PPP2R5C: variants seen among roughly 807,000 people sequenced by gnomAD.
PPP2R5C encodes the protein protein phosphatase 2 regulatory subunit B'gamma, also known as serine/threonine-protein phosphatase 2A 56 kDa regulatory subunit gamma isoform.
In PPP2R5C, 7 loss-of-function variants were observed where a neutral mutation model predicts 68.9. That is an observed-to-expected ratio of 0.10 (90% confidence interval 0.06 to 0.19). The LOEUF (loss-of-function observed/expected upper bound fraction) is 0.19, where lower values mean the gene tolerates loss of function less well. Among genes scored for constraint, PPP2R5C ranks in the 10% least tolerant of loss-of-function variants. PPP2R5C has a pLI of 1.00. For synonymous variants in PPP2R5C, 210 were observed against 222.2 expected, an observed-to-expected ratio of 0.95 and a Z score of 0.49; for missense variants, 348 against 641.3, an observed-to-expected ratio of 0.54 and a Z score of 4.94.
intron 1 of PPP2R5C, among the ~76,000 whole-genome samples, chr14:101,852,469 CT>C (rs559509845): frequency 3.3e-3 from 384 of 115,052 alleles, no homozygotes; most frequent in African/African-American, 9.0e-3. Flanking sequence ...TTTTCTTTTT[CT>C]TTTTTTTTTT....
At chr14:101,868,978 T>C (rs2043241907) in intron 2 of PPP2R5C, among the ~76,000 whole-genome samples, 1 of 152,174 alleles carries the variant, frequency 6.6e-6, no homozygotes, top group African/African-American at 2.4e-5. Flanking sequence ...AGTGGCACCA[T>C]ATCAGCTCAC....
At position 101,916,960 on chromosome 14, in the gene PPP2R5C, C is replaced by T. The variant is rs2046706121; in HGVS notation, c.1327-871C>T. 6.6e-6 allele frequency among the ~76,000 whole-genome samples: 1 copy of T among 152,136 alleles called. No homozygotes were observed. The highest frequency in any genetic ancestry group is 2.1e-4 in the South Asian group (1 of 4,828). ...TGAGGGTGGCAGTACACACACACGACCACGCAGGACAAACAGGCGCCCCAC... is the reference window on the plus strand; with the variant it reads ...TGAGGGTGGCAGTACACACACACGATCACGCAGGACAAACAGGCGCCCCAC... On this transcript the variant is annotated intron_variant, in intron 12 of 13. Transcript: ENST00000334743. The surrounding 1 kb of genome is among the most constrained non-coding windows in gnomAD (Gnocchi z 5.5).
intron 13 of PPP2R5C, among the ~76,000 whole-genome samples, chr14:101,924,775 G>T (rs534246999): frequency 6.6e-6 from 1 of 152,148 alleles, no homozygotes; most frequent in Non-Finnish European, 1.5e-5. Context: ...TTCTGTAGGG[G>T]ACATGCCCAT....
intron 1 of PPP2R5C, chr14:101,836,153 G>T: frequency 3.7e-6 from 2 of 539,112 alleles, no homozygotes; most frequent in Non-Finnish European, 6.9e-6. Context: ...CAGCTGAAAG[G>T]TTTTTTTTTT....
At position 101,825,148 on chromosome 14, in the gene PPP2R5C, A is replaced by G. The variant is rs2040317434; in HGVS notation, c.94+15112A>G. Among the ~76,000 whole-genome samples the G allele has an allele frequency of 6.6e-6, 1 of 152,088 alleles. No individual in the cohort carries two copies. The highest frequency in any genetic ancestry group is 1.5e-5 in the Non-Finnish European group (1 of 68,016). ...TGTTTTGGTTCCAGGATGAAACTCA[A>G]GAGATACAGAAGAAACTGAAAGTGA... On this transcript the variant is annotated intron_variant, in intron 1 of 13. Coordinates refer to ENST00000334743, the Ensembl canonical transcript of PPP2R5C. The surrounding 1 kb of genome is among the most constrained non-coding windows in gnomAD (Gnocchi z 4.0).
At chr14:101,812,357 A>G (rs1422776769) in intron 1 of PPP2R5C, among the ~76,000 whole-genome samples, 3 of 152,082 alleles carry the variant, frequency 2.0e-5, no homozygotes. Context: ...TCAGGAGCAG[A>G]AGGAACCAAG....
At chr14:101,783,563 AAGGGC>A (rs1351158944) in intron 2 of PPP2R5C, among the ~76,000 whole-genome samples, 1 of 151,902 alleles carries the variant, frequency 6.6e-6, no homozygotes, top group Non-Finnish European at 1.5e-5. Flanking sequence ...CCAAAAGGCC[AAGGGC>A]CCCTTTGGAA....
rs771274198 is a variant in PPP2R5C at position 101,824,004 on chromosome 14, G to A, written c.94+13968G>A. On this transcript the variant is annotated intron_variant, in intron 1 of 13. Coordinates refer to ENST00000334743, the Ensembl canonical transcript of PPP2R5C. The stretch of plus-strand genomic sequence containing the variant: ...AATTAACTTATCTGAGCCTTACATT[G>A]TCTCACTAGGCACAGTGCCCACTTG... 1.1e-5 allele frequency: 14 copies of A among 1,289,032 alleles called. No individual in the cohort carries two copies. In the South Asian group the frequency reaches 1.7e-4, roughly 16 times the overall value. 79.8% of individuals were successfully genotyped at this position (1,289,032 alleles called of 1,614,324 possible).
intron 1 of PPP2R5C, among the ~76,000 whole-genome samples, chr14:101,837,872 A>T (rs563692676): frequency 6.6e-6 from 1 of 152,168 alleles, no homozygotes; most frequent in Non-Finnish European, 1.5e-5. Flanking sequence ...AGATGGGGGA[A>T]TGGGAAGGGT....
chr14:101,911,155 G>A (rs1010734890), intron 11 of PPP2R5C, among the ~76,000 whole-genome samples: 4 of 151,472 alleles, frequency 2.6e-5, no homozygotes, highest in African/African-American at 7.3e-5. Flanking sequence ...GCGGGTGCCT[G>A]TAGTCCCAGC....
At chr14:101,793,129 C>T (rs1217769070) in intron 3 of PPP2R5C, among the ~76,000 whole-genome samples, 4 of 152,072 alleles carry the variant, frequency 2.6e-5, no homozygotes, top group Admixed American at 1.3e-4. Flanking sequence ...CCACCCACCT[C>T]GGCCTCCCAA....
chr14:101,798,833 G>A (rs1595190707), intron 3 of PPP2R5C, among the ~76,000 whole-genome samples: 1 of 152,304 alleles, frequency 6.6e-6, no homozygotes, highest in African/African-American at 2.4e-5. Context: ...AGCGTAGAAG[G>A]CAGGTAGGCA....
intron 1 of PPP2R5C, among the ~76,000 whole-genome samples, chr14:101,837,012 C>T (rs2041147773): frequency 6.6e-6 from 1 of 152,192 alleles, no homozygotes; most frequent in African/African-American, 2.4e-5. Flanking sequence ...GGGAGAGGCG[C>T]CTGGACTTCT....
chr14:101,882,386 T>C lies in PPP2R5C; in HGVS notation c.405+115T>C. On this transcript the variant is annotated intron_variant, in intron 3 of 13. Coordinates refer to ENST00000334743, the Ensembl canonical transcript of PPP2R5C. The surrounding 1 kb of genome is among the most constrained non-coding windows in gnomAD (Gnocchi z 4.9). ...GATGGACCTCTCCTCCTCAGTAGCA[T>C]GGGCCTCGTAAACCCATATGTACAA... 1 of 675,622 alleles carries C rather than the reference T, an allele frequency of 1.5e-6. No individual in the cohort carries two copies. Among genetic ancestry groups the C allele is most frequent in the Non-Finnish European group, 2.5e-6 (1 of 407,352 alleles). The allele number at this position is 675,622 out of a possible 1,614,324, so 41.9% of individuals were successfully genotyped here.
chr14:101,847,246 T>G (rs898858102), intron 1 of PPP2R5C, among the ~76,000 whole-genome samples: 1 of 152,196 alleles, frequency 6.6e-6, no homozygotes, highest in Non-Finnish European at 1.5e-5. Context: ...TCCAGTATGA[T>G]TAATGTAGGG....
upstream of PPP2R5C, chr14:101,809,869 T>C (rs78200543): frequency 3.9e-6 from 3 of 760,024 alleles, no homozygotes; most frequent in Non-Finnish European, 5.3e-6. Context: ...TCAGTTTGTC[T>C]TTTTTTTTTT....
At chr14:101,817,522 C>A (rs375724136) in intron 1 of PPP2R5C, among the ~76,000 whole-genome samples, 2 of 152,116 alleles carry the variant, frequency 1.3e-5, no homozygotes, top group South Asian at 4.1e-4. Context: ...GGTGCATAAC[C>A]GTTTTTGATG....
chr14:101,902,427 G>A (rs1233617903), intron 9 of PPP2R5C, among the ~76,000 whole-genome samples: 1 of 152,128 alleles, frequency 6.6e-6, no homozygotes, highest in Admixed American at 6.5e-5. Context: ...GCCAGCCTCG[G>A]CTCATCACCT....
rs548412133 is a variant in PPP2R5C, at chr14:101,834,079, G to C, written c.95-22607G>C. On this transcript the variant is annotated intron_variant, in intron 1 of 13. Coordinates refer to ENST00000334743, the Ensembl canonical transcript of PPP2R5C. ...CTGCCTCAGCCTCCCAAAGTGCTGGGATTACAAGCGTCAGCCACCACACCC... is the reference window on the plus strand; with the variant it reads ...CTGCCTCAGCCTCCCAAAGTGCTGGCATTACAAGCGTCAGCCACCACACCC... 1.7e-4 allele frequency among the ~76,000 whole-genome samples: 26 copies of C among 152,326 alleles called. 1 individual carries two copies. Among genetic ancestry groups the C allele is most frequent in the Admixed American group, 1.5e-3 (23 of 15,298 alleles).
Sources: allele counts gnomAD v4.1 joint callset (sites outside exome capture counted in the v4.1 genomes callset), GRCh38; gene constraint gnomAD v4.1.1; non-coding constraint Gnocchi (gnomAD v3.1); transcripts MANE v1.5; gene names NCBI Gene and HGNC (gene_info 2026-07-23, HGNC 2026-07-21).